SENP1: variants seen among roughly 807,000 people sequenced by gnomAD.
SENP1 encodes SUMO specific peptidase 1, also known as sentrin-specific protease 1.
SENP1 carries 21 observed loss-of-function variants against 93.0 expected under a neutral mutation model. That is an observed-to-expected ratio of 0.23 (90% CI 0.16 to 0.33). The LOEUF (loss-of-function observed/expected upper bound fraction) is 0.33, where lower values mean the gene tolerates loss of function less well. SENP1 is among the 10% of genes least tolerant of loss of function. The probability of loss-of-function intolerance (pLI) is 1.00; values close to 1 mark genes in which losing one functional copy is unlikely to be tolerated. For missense variants in SENP1, 591 were observed against 758.7 expected, an observed-to-expected ratio of 0.78 and a Z score of 2.60; for synonymous variants, 256 against 259.6, an observed-to-expected ratio of 0.99 and a Z score of 0.13.
rs538677310 is a variant in SENP1, at chr12:48,099,738, G to A, written c.5-1614C>T. On this transcript the variant is annotated intron_variant, in intron 2 of 17. Transcript: ENST00000549518. ...AAGCATGAGAATCGCTTGAACCCAA[G>A]GCAGAGGATGGAGTGAGCCAAGATA... 8.5e-5 allele frequency among the ~76,000 whole-genome samples: 13 copies of A among 152,212 alleles called. No individual in the cohort carries two copies. In the East Asian group the frequency reaches 2.3e-3, roughly 27 times the overall value.
intron 15 of SENP1, among the ~76,000 whole-genome samples, chr12:48,047,573 G>A (rs1320104964): frequency 1.3e-5 from 2 of 152,082 alleles, no homozygotes; most frequent in African/African-American, 4.8e-5. Flanking sequence ...ACTTCCTCCT[G>A]GCCATCAGAG....
chr12:48,049,200 C>T (rs1941602418), intron 13 of SENP1, 68 bp from the exon 14 acceptor site: 2 of 1,186,562 alleles, frequency 1.7e-6, no homozygotes, highest in Middle Eastern at 1.9e-4. Flanking sequence ...GTTGCAGTTG[C>T]TGTGTTGAAT....
At chr12:48,049,944 G>A (rs1451169839) in intron 13 of SENP1, among the ~76,000 whole-genome samples, 1 of 152,204 alleles carries the variant, frequency 6.6e-6, no homozygotes, top group Non-Finnish European at 1.5e-5. Flanking sequence ...AATATTAAGT[G>A]TGGAAAGAAA....
chr12:48,071,757 A>T, intron 8 of SENP1, 36 bp from the exon 9 acceptor site: 1 of 1,404,706 alleles, frequency 7.1e-7, no homozygotes, highest in Non-Finnish European at 1.0e-6. Context: ...TAGTAATAAA[A>T]CTCCACAAAG....
At position 48,106,051 on chromosome 12, in the gene SENP1, G is replaced by C. The variant is rs1460801516; in HGVS notation, c.-68C>G. On this transcript the variant is annotated 5_prime_UTR_variant, in exon 1 of 18. Transcript: ENST00000549518. ...ACCGAACCGGAACCGGCTGCCATGC[G>C]AAGGGGTTTCCGGCCGGGCGCGGAA... The C allele has an allele frequency of 2.8e-6, 2 of 702,144 alleles. No homozygotes were observed. The highest frequency in any genetic ancestry group is 5.4e-5 in the East Asian group (2 of 37,276). The allele number at this position is 702,144 out of a possible 1,614,324, so 43.5% of individuals were successfully genotyped here.
intron 13 of SENP1, among the ~76,000 whole-genome samples, chr12:48,052,187 T>C (rs1396550990): frequency 6.6e-6 from 1 of 152,200 alleles, no homozygotes; most frequent in Non-Finnish European, 1.5e-5. Context: ...GGATTCAATC[T>C]TTTTCCTGTA....
chr12:48,077,363 T>C (rs1233504992), intron 6 of SENP1, among the ~76,000 whole-genome samples: 1 of 152,194 alleles, frequency 6.6e-6, no homozygotes, highest in African/African-American at 2.4e-5. Flanking sequence ...TCGTGTAGTT[T>C]TTCCTGTTTT....
In SENP1 at chr12:48,044,846, G is replaced by A. The variant is rs1941251778; in HGVS notation, c.*476C>T. The A allele has an allele frequency of 6.3e-6, 1 of 158,340 alleles. No homozygotes were observed. Among genetic ancestry groups the A allele is most frequent in the Admixed American group, 6.1e-5 (1 of 16,350 alleles). 9.8% of individuals were successfully genotyped at this position (158,340 alleles called of 1,614,324 possible). On this transcript the variant is annotated 3_prime_UTR_variant, in exon 18 of 18. Transcript: ENST00000549518. ...TGACCATACATCGTGAAAATTGTGT[G>A]TGTGTGTGTGTTTGTGTGTGTGGGT...
chr12:48,069,225 G>C (rs1288763716), intron 9 of SENP1, among the ~76,000 whole-genome samples: 1 of 150,812 alleles, frequency 6.6e-6, no homozygotes, highest in Admixed American at 6.6e-5. Context: ...AGTAGACAGA[G>C]AGAGAAAGGG....
intron 10 of SENP1, among the ~76,000 whole-genome samples, chr12:48,066,292 G>T (rs1355882561): frequency 6.6e-6 from 1 of 151,998 alleles, no homozygotes; most frequent in Non-Finnish European, 1.5e-5. Context: ...AATGCTTTCA[G>T]TGATTTTGCA....
At chr12:48,084,601 G>A (rs944289995) in intron 5 of SENP1, among the ~76,000 whole-genome samples, 60 of 151,796 alleles carry the variant, frequency 4.0e-4, no homozygotes, top group Non-Finnish European at 5.9e-5. Flanking sequence ...GGCACCCGCC[G>A]CCACACCCAG....
At chr12:48,085,296 G>C (rs1293173157) in intron 5 of SENP1, 1 of 1,522,272 alleles carries the variant, frequency 6.6e-7, no homozygotes, top group Non-Finnish European at 9.1e-7. Flanking sequence ...GCATGCCCTG[G>C]ACACCCACCA....
chr12:48,090,190 T>C (rs989144), intron 4 of SENP1, among the ~76,000 whole-genome samples: 25,346 of 152,248 alleles, frequency 0.17, 2,442 homozygotes, highest in East Asian at 0.28. Flanking sequence ...ATTTTGAGGA[T>C]AGAAACATGA....
At chr12:48,062,374 T>TA (rs1943014788) in intron 13 of SENP1, among the ~76,000 whole-genome samples, 1 of 152,248 alleles carries the variant, frequency 6.6e-6, no homozygotes, top group Non-Finnish European at 1.5e-5. Flanking sequence ...ACCAATGTTC[T>TA]AATATCTGAG....
intron 6 of SENP1, chr12:48,079,980 T>C (rs1388603655): frequency 6.6e-6 from 1 of 152,212 alleles, no homozygotes; most frequent in Non-Finnish European, 1.5e-5. Context: ...TGTCACCTAT[T>C]ACAAAAGTCC....
intron 6 of SENP1, among the ~76,000 whole-genome samples, chr12:48,082,431 T>A (rs1429734354): frequency 6.6e-6 from 1 of 152,232 alleles, no homozygotes. Context: ...GGCCTGCCAT[T>A]TACTAGTCAT....
chr12:48,048,870 C>G lies in SENP1; in HGVS notation c.1611+59G>C. 4.6e-6 allele frequency: 6 copies of G among 1,291,304 alleles called. No individual in the cohort carries two copies. In the South Asian group the frequency reaches 6.3e-5, roughly 14 times the overall value. The allele number at this position is 1,291,304 out of a possible 1,614,324, so 80.0% of individuals were successfully genotyped here. ...ATGTAGAACTACTACTCACTACCCT[C>G]TGTGTGTTCTATAAGTACATAGCTT... On this transcript the variant is annotated intron_variant, in intron 14 of 17. Transcript: ENST00000549518.
At chr12:48,064,645 G>A (rs1943176486) in intron 12 of SENP1, among the ~76,000 whole-genome samples, 1 of 152,128 alleles carries the variant, frequency 6.6e-6, no homozygotes, top group Non-Finnish European at 1.5e-5. Context: ...AAATATACAA[G>A]AAAATTTAAA....
intron 6 of SENP1, among the ~76,000 whole-genome samples, chr12:48,077,506 G>A (rs1407313032): frequency 2.0e-5 from 3 of 152,110 alleles, no homozygotes; most frequent in Non-Finnish European, 4.4e-5. Flanking sequence ...ACACCATTTA[G>A]TGAAGAGACT....
Sources: gnomAD v4.1 joint callset for allele counts (sites outside exome capture counted in the v4.1 genomes callset) on GRCh38, gnomAD v4.1.1 for gene constraint, MANE v1.5 for transcripts, NCBI Gene and HGNC (gene_info 2026-07-23, HGNC 2026-07-21) for gene names.